The following MTHFD1L variants were observed in gnomAD, a reference collection of about 807,000 sequenced individuals.
MTHFD1L encodes monofunctional C1-tetrahydrofolate synthase, mitochondrial.
MTHFD1L carries 81 observed loss-of-function variants against 119.5 expected under a neutral mutation model. The ratio of observed to expected loss-of-function variants is 0.68; its 90% CI spans 0.57 to 0.82. The LOEUF is 0.82. Among genes scored for constraint, MTHFD1L ranks in the 40% least tolerant of loss-of-function variants. The pLI, the probability that MTHFD1L is intolerant of heterozygous loss-of-function variation, is 0.00. For synonymous variants in MTHFD1L, 430 were observed against 475.2 expected (o/e 0.90, Z 1.24); for missense variants, 1,125 against 1,253.4 (o/e 0.90, Z 1.55).
rs182773296 is a variant in MTHFD1L, at chr6:150,957,231, G to A, written c.1803+1160G>A. Among the ~76,000 whole-genome samples, 6 of 152,272 alleles carry A rather than the reference G, an allele frequency of 3.9e-5. No homozygotes were observed. In the East Asian group the frequency reaches 1.2e-3, roughly 29 times the overall value. ...CAGTAAATATCTGTTGAACAAATGA[G>A]TAGAATAAGTAAAAGACAATTTATG... On this transcript the variant is annotated intron_variant, in intron 17 of 27. Transcript: ENST00000367321.
intron 20 of MTHFD1L, among the ~76,000 whole-genome samples, chr6:150,975,127 G>A (rs1211569594): frequency 6.6e-6 from 1 of 152,184 alleles, no homozygotes; most frequent in Non-Finnish European, 1.5e-5. Flanking sequence ...TTGGACATTT[G>A]ACTTGTTTCC....
chr6:150,891,046 C>G (rs925292601), intron 7 of MTHFD1L, among the ~76,000 whole-genome samples: 2 of 152,156 alleles, frequency 1.3e-5, no homozygotes, highest in Non-Finnish European at 2.9e-5. Flanking sequence ...AGTGCAGTGG[C>G]GCGAACTCGG....
chr6:150,944,036 A>G (rs1189651783), intron 13 of MTHFD1L, among the ~76,000 whole-genome samples: 1 of 152,246 alleles, frequency 6.6e-6, no homozygotes, highest in East Asian at 1.9e-4. Flanking sequence ...GGATGGAAGA[A>G]TTTATGATCT....
At chr6:150,936,151 A>G (rs1260347402) in intron 11 of MTHFD1L, among the ~76,000 whole-genome samples, 4 of 152,182 alleles carry the variant, frequency 2.6e-5, no homozygotes, top group African/African-American at 7.2e-5. Context: ...TAGGACTCCA[A>G]GAGCTAGGAC....
chr6:150,937,840 T>A (rs929069402), intron 12 of MTHFD1L, among the ~76,000 whole-genome samples: 1 of 152,182 alleles, frequency 6.6e-6, no homozygotes, highest in Non-Finnish European at 1.5e-5. Context: ...AGGGCTACTG[T>A]CAAATGATAC....
In MTHFD1L at chr6:150,891,209, C is replaced by T. The variant is rs1783209057; in HGVS notation, c.780+3228C>T. ...CCATGTTGGCCAGGCTGGTCTGGAA[C>T]TCCTGACCTCAGGTGATCCGCCCAC... On this transcript the variant is annotated intron_variant, in intron 7 of 27. Coordinates refer to ENST00000367321, the MANE Select transcript of MTHFD1L (RefSeq NM_015440.5). Among the ~76,000 whole-genome samples, 7 of 152,210 alleles carry T rather than the reference C, an allele frequency of 4.6e-5. No individual in the cohort carries two copies. The South Asian group carries it at 1.5e-3, about 32-fold the overall frequency.
At chr6:151,043,756 T>C (rs575582231) in intron 26 of MTHFD1L, among the ~76,000 whole-genome samples, 1 of 152,302 alleles carries the variant, frequency 6.6e-6, no homozygotes, top group South Asian at 2.1e-4. Context: ...GACAGCAATT[T>C]GTGGCAACAC....
Position 150,870,887 on chromosome 6 carries a change from A to G in MTHFD1L, c.227+4838A>G, listed in dbSNP as rs1460651336. Among the ~76,000 whole-genome samples, 3 of 150,794 alleles carry G rather than the reference A, an allele frequency of 2.0e-5. No individual in the cohort carries two copies. In the South Asian group the frequency reaches 6.3e-4, roughly 31 times the overall value. Reference sequence around the variant, plus strand: ...AGGTTGTGGTAAGCCACTACACTCCAGCCTGGGAAACAGAGCGAGACTCCG... The same window carrying G: ...AGGTTGTGGTAAGCCACTACACTCCGGCCTGGGAAACAGAGCGAGACTCCG... On this transcript the variant is annotated intron_variant, in intron 1 of 27. Coordinates refer to ENST00000367321, the MANE Select transcript of MTHFD1L (RefSeq NM_015440.5).
intron 7 of MTHFD1L, among the ~76,000 whole-genome samples, chr6:150,891,508 A>G (rs1379143929): frequency 1.4e-5 from 2 of 148,014 alleles, no homozygotes; most frequent in Non-Finnish European, 3.0e-5. Flanking sequence ...ACTGTTTAAT[A>G]TATATATTAG....
chr6:150,932,977 T>C (rs1434451954), intron 11 of MTHFD1L, among the ~76,000 whole-genome samples: 2 of 152,094 alleles, frequency 1.3e-5, no homozygotes, highest in Non-Finnish European at 2.9e-5. Flanking sequence ...GAATCTGAGC[T>C]AAAGATACTG....
chr6:150,954,117 C>T (rs1443758312), intron 16 of MTHFD1L, among the ~76,000 whole-genome samples: 1 of 152,256 alleles, frequency 6.6e-6, no homozygotes, highest in Non-Finnish European at 1.5e-5. Context: ...AGCTGGCCTG[C>T]TGGTGCTTTG....
intron 20 of MTHFD1L, among the ~76,000 whole-genome samples, chr6:150,994,097 G>GAAGAAAGAAAGAAAGAAAGAA (rs61147935): frequency 1.5e-5 from 2 of 129,226 alleles, no homozygotes; most frequent in East Asian, 2.2e-4. Context: ...AAGAAAGAAA[G>GAAGAAAGAAAGAAAGAAAGAA]TGACCCAGCA....
At chr6:150,961,943 C>T (rs2129000734) in intron 18 of MTHFD1L, among the ~76,000 whole-genome samples, 1 of 152,226 alleles carries the variant, frequency 6.6e-6, no homozygotes, top group East Asian at 1.9e-4. Context: ...AGTTTTAAAA[C>T]TTAATCCTCA....
chr6:151,098,556 A>G (rs1795086164), intron 27 of MTHFD1L, among the ~76,000 whole-genome samples: 1 of 152,234 alleles, frequency 6.6e-6, no homozygotes. Flanking sequence ...TCTAAAAGAT[A>G]GTGATAATTA....
At chr6:150,898,425 G>C (rs1222184290) in intron 7 of MTHFD1L, among the ~76,000 whole-genome samples, 1 of 152,184 alleles carries the variant, frequency 6.6e-6, no homozygotes, top group Non-Finnish European at 1.5e-5. Context: ...CGGAAGCCTG[G>C]AGAGTTTCTC....
intron 24 of MTHFD1L, among the ~76,000 whole-genome samples, chr6:151,017,752 A>G (rs1337567097): frequency 6.7e-6 from 1 of 149,066 alleles, no homozygotes; most frequent in Non-Finnish European, 1.5e-5. Flanking sequence ...CCTCACAGCT[A>G]TTGTAAGTAA....
At chr6:150,949,550 G>A (rs1299314148) in intron 16 of MTHFD1L, among the ~76,000 whole-genome samples, 8 of 151,842 alleles carry the variant, frequency 5.3e-5, no homozygotes, top group Non-Finnish European at 1.2e-4. Context: ...ACTGGCTCTC[G>A]GCAGCTCTCT....
At chr6:151,083,465 G>A (rs1793422962) in intron 26 of MTHFD1L, among the ~76,000 whole-genome samples, 1 of 152,146 alleles carries the variant, frequency 6.6e-6, no homozygotes, top group Non-Finnish European at 1.5e-5. Flanking sequence ...CAAAGTGCTG[G>A]GATTACAGGC....
At chr6:151,014,460 A>G (rs1445954124) in intron 22 of MTHFD1L, among the ~76,000 whole-genome samples, 3 of 152,172 alleles carry the variant, frequency 2.0e-5, no homozygotes, top group Non-Finnish European at 4.4e-5. Flanking sequence ...GATTTACAGG[A>G]GTGGCTTACT....
Sources: allele counts gnomAD v4.1 joint callset (sites outside exome capture counted in the v4.1 genomes callset), GRCh38; gene constraint gnomAD v4.1.1; transcripts MANE v1.5; gene names NCBI Gene and HGNC (gene_info 2026-07-23, HGNC 2026-07-21).